Variants in HOXC4 observed in about 807,000 individuals in gnomAD.
The protein encoded by HOXC4 is homeobox C4.
A neutral mutation model predicts 25.5 loss-of-function variants in HOXC4; 15 were observed. The observed-to-expected ratio is 0.59, with a 90% confidence interval of 0.39 to 0.91. The LOEUF (loss-of-function observed/expected upper bound fraction) is 0.91. Among genes scored for constraint, HOXC4 ranks in the 40% least tolerant of loss-of-function variants. The pLI is 0.00. For missense variants in HOXC4, 342 were observed against 352.4 expected (o/e 0.97, Z 0.24); for synonymous variants, 165 against 148.0 (o/e 1.11, Z -0.83).
intron 1 of HOXC4, among the ~76,000 whole-genome samples, chr12:54,047,251 G>A (rs961997164): frequency 1.1e-4 from 17 of 152,252 alleles, no homozygotes; most frequent in African/African-American, 4.1e-4. Context: ...CAGGCCTGAA[G>A]GGATAACCCA....
chr12:54,029,779 C>T lies in HOXC4; in HGVS notation c.-124+12365C>T, dbSNP rs151083984. ...CGCGGCGCCGGCGCATCGAGATCGC[C>T]AACGCGCTTTGCCTGACCGAGCGAC... On this transcript the variant is annotated intron_variant, in intron 1 of 3. Coordinates refer to the HOXC4 transcript ENST00000303406. 11,884 of 1,614,108 alleles carry T rather than the reference C, an allele frequency of 7.4e-3. 60 individuals carry two copies. The highest frequency in any genetic ancestry group is 8.5e-3 in the Non-Finnish European group (10,032 of 1,180,024).
intron 1 of HOXC4, among the ~76,000 whole-genome samples, chr12:54,044,702 C>G (rs1193918719): frequency 6.7e-6 from 1 of 148,894 alleles, no homozygotes; most frequent in East Asian, 2.1e-4. Flanking sequence ...AAGATGGGTG[C>G]AGGGGTGTGT....
Position 54,034,370 on chromosome 12 carries a change from C to A in HOXC4, c.-124+16956C>A, listed in dbSNP as rs370344965. Reference sequence around the variant, plus strand: ...CCACTTTAACCGCTACCTCACTCGCCGCAGGCGCATAGAGATCGCCAACAA... The same window carrying A: ...CCACTTTAACCGCTACCTCACTCGCAGCAGGCGCATAGAGATCGCCAACAA... On this transcript the variant is annotated intron_variant, in intron 1 of 3. Coordinates refer to the HOXC4 transcript ENST00000303406. The A allele has an allele frequency of 1.9e-6, 3 of 1,614,086 alleles. No homozygotes were observed. The highest frequency in any genetic ancestry group is 2.5e-6 in the Non-Finnish European group (3 of 1,180,028).
At chr12:54,054,457 T>A in intron 1 of HOXC4, 96 bp downstream of exon 1, 3 of 672,146 alleles carry the variant, frequency 4.5e-6, no homozygotes, top group Non-Finnish European at 7.2e-6. Flanking sequence ...CTCCTTTCTC[T>A]CCTTCCCCCT....
intron 1 of HOXC4, among the ~76,000 whole-genome samples, chr12:54,041,424 G>A (rs1174176222): frequency 3.3e-5 from 5 of 152,230 alleles, no homozygotes; most frequent in African/African-American, 4.8e-5. Flanking sequence ...AGGGGCAGGA[G>A]TTCTGATGGA....
chr12:54,024,591 C>T (rs1393934296), intron 1 of HOXC4, among the ~76,000 whole-genome samples: 2 of 152,170 alleles, frequency 1.3e-5, no homozygotes, highest in African/African-American at 4.8e-5. Context: ...TAATATATTT[C>T]CCAGAGCTGA....
At chr12:54,036,089 G>A (rs1941179218) in intron 1 of HOXC4, among the ~76,000 whole-genome samples, 1 of 152,056 alleles carries the variant, frequency 6.6e-6, no homozygotes, top group African/African-American at 2.4e-5. Context: ...CAGTCTCTGG[G>A]ATTTTGTGTG....
intron 1 of HOXC4, among the ~76,000 whole-genome samples, chr12:54,044,154 G>A (rs575905755): frequency 8.5e-5 from 13 of 152,062 alleles, no homozygotes; most frequent in African/African-American, 2.7e-4. Flanking sequence ...AGCATCTGAG[G>A]TTTTGCTTTG....
chr12:54,036,675 GCT>G (rs34092231), intron 1 of HOXC4, among the ~76,000 whole-genome samples: 31,013 of 149,970 alleles, frequency 0.21, 4,452 homozygotes, highest in African/African-American at 0.42. Flanking sequence ...CCAGACCAGT[GCT>G]CTCTCTCTCT....
At position 54,055,108 on chromosome 12, in the gene HOXC4, G is replaced by T; in HGVS notation, c.698G>T (p.Ser233Ile). Residue 233 changes from serine (S) to isoleucine (I), a missense_variant, in exon 2 of 2, where the codon AGC becomes ATC. Transcript: ENST00000430889. ...GCACCCCCGGCCGGCGCTGCGCCCA[G>T]CACCCTTTCGGCAGCTACCCCGGGT... ...RSAPPAGAAP[S>I]TLSAATPGTS... The T allele has an allele frequency of 6.2e-7, 1 of 1,613,156 alleles. No individual in the cohort carries two copies. Among genetic ancestry groups the T allele is most frequent in the Non-Finnish European group, 8.5e-7 (1 of 1,179,806 alleles).
intron 1 of HOXC4, among the ~76,000 whole-genome samples, chr12:54,045,594 A>G (rs1319253380): frequency 6.6e-6 from 1 of 152,176 alleles, no homozygotes; most frequent in African/African-American, 2.4e-5. Context: ...AAAAACTTAC[A>G]TGTTTGAACA....
chr12:54,043,515 C>A (rs1167191070), intron 1 of HOXC4, among the ~76,000 whole-genome samples: 1 of 152,162 alleles, frequency 6.6e-6, no homozygotes, highest in Non-Finnish European at 1.5e-5. Context: ...CAGCATGGAA[C>A]CAACTTCCCA....
At chr12:54,022,148 T>C (rs913159172) in intron 1 of HOXC4, 1 of 152,140 alleles carries the variant, frequency 6.6e-6, no homozygotes, top group East Asian at 1.9e-4. Context: ...ATTGAGAAAG[T>C]TGAGCCCACC....
intron 1 of HOXC4, chr12:54,020,129 T>C (rs1484371522): frequency 6.6e-6 from 1 of 152,280 alleles, no homozygotes; most frequent in African/African-American, 2.4e-5. Context: ...CTAAGCCTCC[T>C]TGCAGGCCAC....
intron 1 of HOXC4, among the ~76,000 whole-genome samples, chr12:54,019,569 G>A (rs975789820): frequency 6.6e-6 from 1 of 152,162 alleles, no homozygotes; most frequent in Non-Finnish European, 1.5e-5. Context: ...GCCGCTGATG[G>A]GGGGGAACAC....
In HOXC4 at chr12:54,045,850, T is replaced by C. The variant is rs141662835; in HGVS notation, c.-123-7310T>C. The stretch of plus-strand genomic sequence containing the variant: ...AAATCTAGTCCCACTAAGTTATCTG[T>C]CCCTCGAAAACCTACTCTAGGGGTC... On this transcript the variant is annotated intron_variant, in intron 1 of 3. Transcript: ENST00000303406. Among the ~76,000 whole-genome samples the C allele has an allele frequency of 2.9e-4, 44 of 152,290 alleles. 1 individual carries two copies. The highest frequency in any genetic ancestry group is 8.4e-4 in the African/African-American group (35 of 41,558).
chr12:54,021,444 G>A (rs1940431947), intron 1 of HOXC4: 1 of 152,252 alleles, frequency 6.6e-6, no homozygotes, highest in South Asian at 2.1e-4. Flanking sequence ...GAGAATTGAT[G>A]GGCCTCCTTT....
At chr12:54,029,726 A>C (rs1940907701) in intron 1 of HOXC4, 1 of 1,614,074 alleles carries the variant, frequency 6.2e-7, no homozygotes. Flanking sequence ...GGAACTGGAG[A>C]AGGAATTTCA....
chr12:54,018,712 G>A (rs1289927368), intron 1 of HOXC4, among the ~76,000 whole-genome samples: 3 of 151,978 alleles, frequency 2.0e-5, no homozygotes, highest in Admixed American at 6.5e-5. Flanking sequence ...TTTATAAACG[G>A]CGACGCACAC....
Sources: gnomAD v4.1 joint callset for allele counts (sites outside exome capture counted in the v4.1 genomes callset) on GRCh38, gnomAD v4.1.1 for gene constraint, MANE v1.5 for transcripts, NCBI Gene and HGNC (gene_info 2026-07-23, HGNC 2026-07-21) for gene names.